NR2C2: variants seen among roughly 807,000 people sequenced by gnomAD.
NR2C2 encodes the protein nuclear receptor subfamily 2 group C member 2, also known as Nuclear hormone receptor TR4.
A neutral mutation model predicts 62.9 loss-of-function variants in NR2C2; 6 were observed. That is an observed-to-expected ratio of 0.10 (90% CI 0.05 to 0.19). The LOEUF (loss-of-function observed/expected upper bound fraction) is 0.19, where lower values mean the gene tolerates loss of function less well. Among genes scored for constraint, NR2C2 ranks in the 10% least tolerant of loss-of-function variants. The probability of loss-of-function intolerance (pLI) is 1.00; values close to 1 mark genes in which losing one functional copy is unlikely to be tolerated. For missense variants in NR2C2, 479 were observed against 762.7 expected (o/e 0.63, Z 4.38); for synonymous variants, 272 against 273.8 (o/e 0.99, Z 0.07).
chr3:14,999,803 G>C (rs938825584), intron 1 of NR2C2, among the ~76,000 whole-genome samples: 26 of 151,944 alleles, frequency 1.7e-4, no homozygotes, highest in Middle Eastern at 3.2e-3. Flanking sequence ...TATCAAATTT[G>C]AACATATAGG....
intron 1 of NR2C2, among the ~76,000 whole-genome samples, chr3:14,967,637 A>C (rs2039895791): frequency 6.6e-6 from 1 of 152,222 alleles, no homozygotes; most frequent in Non-Finnish European, 1.5e-5. Context: ...AGCTTGAATC[A>C]TGTCTAACAC....
At chr3:15,000,130 T>C (rs2040948553) in intron 1 of NR2C2, among the ~76,000 whole-genome samples, 1 of 152,126 alleles carries the variant, frequency 6.6e-6, no homozygotes, top group Admixed American at 6.5e-5. Flanking sequence ...AAAGTATTCC[T>C]CCTAAGATTT....
rs564934630 is a variant in NR2C2, at chr3:15,032,742, G to A, written c.1232+242G>A. ...ATACACCAAGGATTTGGTGCTAGGAGCTGGGGATGGAGAAGAATGTAGAAG... is the reference window on the plus strand; with the variant it reads ...ATACACCAAGGATTTGGTGCTAGGAACTGGGGATGGAGAAGAATGTAGAAG... On this transcript the variant is annotated intron_variant, in intron 10 of 13. Transcript: ENST00000425241. Among the ~76,000 whole-genome samples, 20 of 152,306 alleles carry A rather than the reference G, an allele frequency of 1.3e-4. No individual in the cohort carries two copies. In the East Asian group the frequency reaches 3.1e-3, roughly 24 times the overall value.
At chr3:15,034,133 A>G (rs539334237) in intron 10 of NR2C2, among the ~76,000 whole-genome samples, 122 of 152,338 alleles carry the variant, frequency 8.0e-4, no homozygotes, top group African/African-American at 2.6e-3. Context: ...TTTGCTGACT[A>G]ACTGAGTAGA....
chr3:14,999,238 C>T (rs921166620), intron 1 of NR2C2, among the ~76,000 whole-genome samples: 2 of 152,168 alleles, frequency 1.3e-5, no homozygotes, highest in Non-Finnish European at 2.9e-5. Context: ...ATCACTTGAA[C>T]CCAGGAGGCA....
At chr3:15,029,732 A>T (rs1438526851) in intron 8 of NR2C2, among the ~76,000 whole-genome samples, 1 of 152,076 alleles carries the variant, frequency 6.6e-6, no homozygotes, top group African/African-American at 2.4e-5. Context: ...AGACAAGAGG[A>T]TCACTTGATC....
chr3:15,032,594 A>G, intron 10 of NR2C2, 94 bp downstream of exon 10: 1 of 1,493,006 alleles, frequency 6.7e-7, no homozygotes. Flanking sequence ...GTCTAGTTTG[A>G]CTGTTTCTAT....
intron 1 of NR2C2, among the ~76,000 whole-genome samples, chr3:14,973,647 A>G (rs1382763657): frequency 6.6e-6 from 1 of 152,160 alleles, no homozygotes; most frequent in African/African-American, 2.4e-5. Context: ...TTTGCATGTG[A>G]ATATCTAGTT....
chr3:15,034,793 G>C lies in NR2C2; in HGVS notation c.1356G>C (p.Gln452His). 1 of 1,613,238 alleles carries C rather than the reference G, an allele frequency of 6.2e-7. No homozygotes were observed. Among genetic ancestry groups the C allele is most frequent in the African/African-American group, 1.3e-5 (1 of 75,044 alleles). Reference protein sequence around the residue: ...TILAAIVNHLQNSIQEDKLSG... With the variant: ...TILAAIVNHLHNSIQEDKLSG... ...TGGCTGCCATTGTCAACCACCTGCA[G>C]AACAGCATCCAGGAAGGTAGGGCAC... The change falls in exon 11 of 14, where the codon CAG (glutamine) becomes CAC (histidine). Residue 452 changes from glutamine to histidine, a missense_variant. Gln to His is a conservative substitution (Grantham distance 24, BLOSUM62 0). This residue lies in a region of NR2C2 where 162 missense variants were observed against 296.8 expected (regional missense o/e 0.55). Coordinates refer to ENST00000425241, the MANE Select transcript of NR2C2 (RefSeq NM_001291694.2).
At chr3:15,004,875 G>T (rs936089706) in intron 2 of NR2C2, among the ~76,000 whole-genome samples, 1 of 152,124 alleles carries the variant, frequency 6.6e-6, no homozygotes, top group Admixed American at 6.6e-5. Flanking sequence ...AAGCGATGGA[G>T]AATTAACCCC....
At position 15,045,048 on chromosome 3, in the gene NR2C2, A is replaced by G. The variant is rs1298338150; in HGVS notation, c.*2040A>G. On this transcript the variant is annotated 3_prime_UTR_variant, in exon 14 of 14. Coordinates refer to ENST00000425241, the MANE Select transcript of NR2C2 (RefSeq NM_001291694.2). ...AGTAATTTTTACTTTTCTAACCCTG[A>G]TGTGTTTTCAGTTTCAAAATTAAGA... 6.6e-6 allele frequency: 1 copy of G among 152,304 alleles called. No homozygotes were observed. The highest frequency in any genetic ancestry group is 2.1e-4 in the South Asian group (1 of 4,830). The allele number at this position is 152,304 out of a possible 1,614,324, so 9.4% of individuals were successfully genotyped here. A position where few individuals can be genotyped will look rare whatever the true frequency, so the allele number is the denominator to read the frequency against.
chr3:14,978,419 G>C (rs1004898210), intron 1 of NR2C2, among the ~76,000 whole-genome samples: 2 of 152,184 alleles, frequency 1.3e-5, no homozygotes, highest in East Asian at 1.9e-4. Flanking sequence ...ATTAAATACT[G>C]TTCTGAAAGT....
chr3:15,017,450 T>C lies in NR2C2; in HGVS notation c.376+1196T>C, dbSNP rs530992603. The stretch of plus-strand genomic sequence containing the variant: ...CATCAGAATGTCAGAGCAAAAACCA[T>C]GTCTTACCATCTATCTCTGTATTCC... On this transcript the variant is annotated intron_variant, in intron 4 of 13. Coordinates refer to ENST00000425241, the MANE Select transcript of NR2C2 (RefSeq NM_001291694.2). Among the ~76,000 whole-genome samples the C allele has an allele frequency of 1.3e-3, 199 of 152,352 alleles. 2 individuals are homozygous for C. Among genetic ancestry groups the C allele is most frequent in the Non-Finnish European group, 1.1e-3 (78 of 68,028 alleles).
chr3:15,022,143 T>C (rs2125023872), intron 5 of NR2C2, among the ~76,000 whole-genome samples: 2 of 152,382 alleles, frequency 1.3e-5, no homozygotes, highest in Middle Eastern at 6.8e-3. Context: ...TATTAGTCCC[T>C]GACCTTCATC....
intron 1 of NR2C2, among the ~76,000 whole-genome samples, chr3:14,979,030 C>T (rs979766098): frequency 6.6e-6 from 1 of 152,154 alleles, no homozygotes; most frequent in Non-Finnish European, 1.5e-5. Flanking sequence ...TAATATCCCC[C>T]CATAGTCATT....
chr3:15,018,531 A>G (rs564925869), intron 4 of NR2C2, among the ~76,000 whole-genome samples: 33 of 152,316 alleles, frequency 2.2e-4, no homozygotes, highest in African/African-American at 7.9e-4. Context: ...TCTTCAGGGA[A>G]ATGCAAATCA....
At chr3:14,963,246 T>C (rs2039739636) in intron 1 of NR2C2, among the ~76,000 whole-genome samples, 1 of 152,246 alleles carries the variant, frequency 6.6e-6, no homozygotes, top group South Asian at 2.1e-4. Flanking sequence ...TACCATGCCC[T>C]ATGCAAGGGC....
chr3:15,024,040 A>G (rs2041752341), intron 6 of NR2C2, 75 bp from the exon 7 acceptor site: 2 of 1,018,412 alleles, frequency 2.0e-6, no homozygotes, highest in East Asian at 2.4e-5. Context: ...ATGTGGAAGG[A>G]CAGGTAAATG....
chr3:14,978,092 A>G (rs1217181804), intron 1 of NR2C2, among the ~76,000 whole-genome samples: 2 of 152,336 alleles, frequency 1.3e-5, no homozygotes, highest in Non-Finnish European at 1.5e-5. Context: ...AAAACTGAAA[A>G]CAAAAACCCC....
Sources: gnomAD v4.1 joint callset for allele counts (sites outside exome capture counted in the v4.1 genomes callset) on GRCh38, gnomAD v4.1.1 for gene constraint, gnomAD v4.1.1 regional missense constraint, MANE v1.5 for transcripts, NCBI Gene and HGNC (gene_info 2026-07-23, HGNC 2026-07-21) for gene names.